B4GALT6: variants seen among roughly 807,000 people sequenced by gnomAD.
B4GALT6 encodes the protein beta-1,4-galactosyltransferase 6, also known as UDP-Gal:beta-GlcNAc beta-1,4-galactosyltransferase 6.
B4GALT6 carries 14 observed loss-of-function variants against 46.3 expected under a neutral mutation model. The observed-to-expected ratio is 0.30, with a 90% CI of 0.20 to 0.47. The LOEUF is 0.47. Among genes scored for constraint, B4GALT6 ranks in the 20% least tolerant of loss-of-function variants. The pLI is 0.99. For synonymous variants in B4GALT6, 168 were observed against 162.0 expected (o/e 1.04, Z -0.28); for missense variants, 386 against 480.1 (o/e 0.80, Z 1.83).
At chr18:31,626,022 C>T (rs1046048350) in intron 8 of B4GALT6, among the ~76,000 whole-genome samples, 18 of 152,096 alleles carry the variant, frequency 1.2e-4, no homozygotes, top group Non-Finnish European at 1.8e-4. Context: ...CTTTATGTTA[C>T]GTAAATACTT....
At chr18:31,709,388 C>G in the B4GALT6 span, among the ~76,000 whole-genome samples, 1 of 148,746 alleles carries the variant, frequency 6.7e-6, no homozygotes, top group African/African-American at 2.5e-5. Flanking sequence ...AATTTAAAAA[C>G]CCATGGACAA....
upstream of B4GALT6, chr18:31,686,858 C>CCA (rs1488562957): frequency 6.6e-6 from 1 of 152,202 alleles, no homozygotes; most frequent in Non-Finnish European, 1.5e-5. Context: ...AAAGCTAATA[C>CCA]CACCATACCA....
the B4GALT6 span, among the ~76,000 whole-genome samples, chr18:31,714,547 T>C: frequency 6.6e-6 from 1 of 152,174 alleles, no homozygotes; most frequent in Non-Finnish European, 1.5e-5. Flanking sequence ...ACTCTGGGAC[T>C]TACAGTCAGG....
intron 6 of B4GALT6, among the ~76,000 whole-genome samples, chr18:31,629,447 A>ATTTTTTTTTTTTTTTTTTTTTTTTTT (rs869030382): frequency 1.8e-4 from 6 of 32,882 alleles, no homozygotes; most frequent in East Asian, 1.7e-3. Flanking sequence ...GCCCTTTATG[A>ATTTTTTTTTTTTTTTTTTTTTTTTTT]TTTTTTTTTT....
In B4GALT6 at chr18:31,680,246, T is replaced by G. The variant is rs951421824; in HGVS notation, c.115+4066A>C. Among the ~76,000 whole-genome samples, 10 of 152,250 alleles carry G rather than the reference T, an allele frequency of 6.6e-5. No homozygotes were observed. The East Asian group carries it at 1.9e-3, about 29-fold the overall frequency. On this transcript the variant is annotated intron_variant, in intron 1 of 8. Coordinates refer to ENST00000306851, the MANE Select transcript of B4GALT6 (RefSeq NM_004775.5). ...CTCCAAAGAACACAGCCAGGCCCAC[T>G]TGCCAGGGCCAGGAGGCTAAAGGGC... is the stretch of plus-strand genomic sequence containing the variant.
the B4GALT6 span, among the ~76,000 whole-genome samples, chr18:31,693,782 A>G: frequency 1.3e-5 from 2 of 152,092 alleles, no homozygotes; most frequent in African/African-American, 4.8e-5. Flanking sequence ...AGCCTGGGCA[A>G]TATAGTGGGA....
At chr18:31,686,053 C>T (rs1417914777), upstream of B4GALT6, 1 of 152,366 alleles carries the variant, frequency 6.6e-6, no homozygotes, top group Non-Finnish European at 1.5e-5. Flanking sequence ...CTTCATCCAC[C>T]TCCTAGGCCG....
intron 1 of B4GALT6, among the ~76,000 whole-genome samples, chr18:31,668,929 T>C (rs2074315686): frequency 6.6e-6 from 1 of 151,546 alleles, no homozygotes; most frequent in Non-Finnish European, 1.5e-5. Flanking sequence ...GAGAATCACT[T>C]GAACCCAGGA....
chr18:31,719,495 G>T, the B4GALT6 span, among the ~76,000 whole-genome samples: 2 of 152,240 alleles, frequency 1.3e-5, no homozygotes, highest in Admixed American at 1.3e-4. Context: ...TCCAGAAAAA[G>T]ATCATGCCCT....
the B4GALT6 span, among the ~76,000 whole-genome samples, chr18:31,718,045 T>C: frequency 2.0e-5 from 3 of 152,048 alleles, 1 homozygote; most frequent in Admixed American, 2.0e-4. Context: ...ATATTAAAAC[T>C]GGTTACTAAC....
In B4GALT6 at chr18:31,622,569, C is replaced by G. The variant is rs2073630587; in HGVS notation, c.*3045G>C. On this transcript the variant is annotated 3_prime_UTR_variant, in exon 9 of 9. Transcript: ENST00000306851. The stretch of plus-strand genomic sequence containing the variant: ...AATAAAATGACAAAATCTGCTTTCA[C>G]TTGTAGGAAGCCTCCAGAAAGAGAA... 1 of 151,978 alleles carries G rather than the reference C, an allele frequency of 6.6e-6. No individual in the cohort carries two copies. The highest frequency in any genetic ancestry group is 2.1e-4 in the South Asian group (1 of 4,828). 9.4% of individuals were successfully genotyped at this position (151,978 alleles called of 1,614,324 possible).
intron 4 of B4GALT6, among the ~76,000 whole-genome samples, chr18:31,640,467 T>TA (rs886559161): frequency 1.2e-4 from 19 of 152,208 alleles, no homozygotes; most frequent in African/African-American, 4.6e-4. Flanking sequence ...TGAAGATGTC[T>TA]AAACTATGAA....
At chr18:31,669,442 ATC>A (rs571992639) in intron 1 of B4GALT6, among the ~76,000 whole-genome samples, 250 of 152,308 alleles carry the variant, frequency 1.6e-3, no homozygotes, top group Middle Eastern at 3.4e-3. Flanking sequence ...TACTTAAATA[ATC>A]TGTCTTGAAT....
At chr18:31,682,939 C>CTA (rs1470570128) in intron 1 of B4GALT6, among the ~76,000 whole-genome samples, 1 of 152,146 alleles carries the variant, frequency 6.6e-6, no homozygotes, top group Non-Finnish European at 1.5e-5. Flanking sequence ...GTCATTTGTA[C>CTA]TATAGGCTTC....
At chr18:31,635,406 G>A (rs1667278) in intron 5 of B4GALT6, among the ~76,000 whole-genome samples, 85 of 152,128 alleles carry the variant, frequency 5.6e-4, no homozygotes, top group African/African-American at 2.0e-3. Context: ...CCACTTGTTA[G>A]GTAAAACAAG....
At chr18:31,697,278 A>G in the B4GALT6 span, among the ~76,000 whole-genome samples, 1 of 152,096 alleles carries the variant, frequency 6.6e-6, no homozygotes, top group South Asian at 2.1e-4. Flanking sequence ...CCACCCTGAA[A>G]AAAAGAGAGA....
At chr18:31,630,884 T>C (rs2073778461) in intron 6 of B4GALT6, 75 bp downstream of exon 6, 1 of 1,497,470 alleles carries the variant, frequency 6.7e-7, no homozygotes, top group Non-Finnish European at 9.2e-7. Context: ...TTTAGGGACA[T>C]AACGCTGCTA....
chr18:31,639,423 G>A (rs762275224), intron 4 of B4GALT6, among the ~76,000 whole-genome samples: 3 of 151,976 alleles, frequency 2.0e-5, no homozygotes, highest in Non-Finnish European at 2.9e-5. Context: ...AAATATAATA[G>A]AAACCAAAAT....
the B4GALT6 span, among the ~76,000 whole-genome samples, chr18:31,696,845 G>A: frequency 0.098 from 14,907 of 152,162 alleles, 919 homozygotes; most frequent in Middle Eastern, 0.15. Flanking sequence ...GTCATTTAAC[G>A]CAGAAATGTG....
Sources: gnomAD v4.1 joint callset for allele counts (sites outside exome capture counted in the v4.1 genomes callset) on GRCh38, gnomAD v4.1.1 for gene constraint, MANE v1.5 for transcripts, NCBI Gene and HGNC (gene_info 2026-07-23, HGNC 2026-07-21) for gene names.